The following IFT52 variants were observed in gnomAD, a reference collection of about 807,000 sequenced individuals.
IFT52 encodes the protein intraflagellar transport protein 52 homolog.
Under a neutral mutation model 54.4 loss-of-function variants are expected in IFT52, and 44 were observed. The observed-to-expected ratio is 0.81, with a 90% confidence interval of 0.63 to 1.04. The LOEUF is 1.04. Ranked by LOEUF, IFT52 falls within the 50% of genes least tolerant of loss-of-function variation. The pLI, the probability that IFT52 is intolerant of heterozygous loss-of-function variation, is 0.00. For missense variants in IFT52, 452 were observed against 523.6 expected (o/e 0.86, Z 1.33); for synonymous variants, 181 against 185.3 (o/e 0.98, Z 0.19).
intron 13 of IFT52, among the ~76,000 whole-genome samples, chr20:43,646,518 C>T (rs1385519282): frequency 6.6e-6 from 1 of 152,020 alleles, no homozygotes; most frequent in Non-Finnish European, 1.5e-5. Flanking sequence ...TGGCAGTTAC[C>T]GTGGTCTAAG....
At chr20:43,631,989 G>C (rs1260127989) in intron 10 of IFT52, among the ~76,000 whole-genome samples, 4 of 149,678 alleles carry the variant, frequency 2.7e-5, no homozygotes, top group African/African-American at 9.9e-5. Flanking sequence ...GCAACGGCAC[G>C]ATCTCCGCTC....
At chr20:43,629,312 A>G (rs1461538384) in intron 10 of IFT52, among the ~76,000 whole-genome samples, 1 of 146,942 alleles carries the variant, frequency 6.8e-6, no homozygotes, top group East Asian at 2.0e-4. Flanking sequence ...TTGCTCTGTC[A>G]CCCAGGCTGG....
intron 8 of IFT52, 56 bp downstream of exon 8, chr20:43,619,082 TA>T (rs751454324): frequency 3.2e-6 from 4 of 1,240,358 alleles, no homozygotes; most frequent in African/African-American, 3.0e-5. Context: ...TCATGTCATT[TA>T]AAAAAATACT....
intron 13 of IFT52, among the ~76,000 whole-genome samples, chr20:43,643,091 C>A (rs2145682226): frequency 6.6e-6 from 1 of 151,428 alleles, no homozygotes; most frequent in East Asian, 1.9e-4. Context: ...CACTTGAACC[C>A]AGAAGGCAGA....
At chr20:43,597,381 A>AAAAGG (rs1555800929) in intron 3 of IFT52, among the ~76,000 whole-genome samples, 1 of 146,422 alleles carries the variant, frequency 6.8e-6, no homozygotes, top group Non-Finnish European at 1.5e-5. Context: ...CAAAAAAAAA[A>AAAAGG]AAAGAAAGAA....
chr20:43,597,901 A>AC (rs1196184543), intron 3 of IFT52, among the ~76,000 whole-genome samples: 51 of 151,252 alleles, frequency 3.4e-4, no homozygotes, highest in Middle Eastern at 3.4e-3. Flanking sequence ...AAAAAAAAAA[A>AC]AAAAAAAAAA....
intron 6 of IFT52, among the ~76,000 whole-genome samples, chr20:43,608,078 G>T (rs1983111979): frequency 6.6e-6 from 1 of 152,160 alleles, no homozygotes; most frequent in African/African-American, 2.4e-5. Flanking sequence ...GGAGGTTGCA[G>T]TGAGCCGAGA....
rs148203804 is a variant in IFT52 at position 43,613,519 on chromosome 20, C to T, written c.486-331C>T. On this transcript the variant is annotated intron_variant, in intron 6 of 13. Transcript: ENST00000373030. ...TTACTCAGCTGAGCACCGTGGCACA[C>T]GCCTGTAATCCCAGCACTTTGGGAG... is the stretch of plus-strand genomic sequence containing the variant. Among the ~76,000 whole-genome samples the T allele has an allele frequency of 7.5e-3, 1,140 of 152,304 alleles. 18 individuals are homozygous for T. Among genetic ancestry groups the T allele is most frequent in the African/African-American group, 0.025 (1,056 of 41,564 alleles).
At chr20:43,626,525 C>T (rs1984734651) in intron 10 of IFT52, among the ~76,000 whole-genome samples, 5 of 152,240 alleles carry the variant, frequency 3.3e-5, no homozygotes, top group Admixed American at 2.6e-4. Context: ...GGATTAAAGG[C>T]ATGAGCCACA....
intron 6 of IFT52, 47 bp downstream of exon 6, chr20:43,605,120 A>G (rs1307192043): frequency 6.3e-7 from 1 of 1,598,534 alleles, no homozygotes; most frequent in Non-Finnish European, 8.5e-7. Flanking sequence ...ATCATTTTGG[A>G]GTCTTCTTTT....
intron 12 of IFT52, among the ~76,000 whole-genome samples, chr20:43,638,091 A>G (rs1985665498): frequency 6.6e-6 from 1 of 152,176 alleles, no homozygotes; most frequent in Non-Finnish European, 1.5e-5. Context: ...ATTGCCTCCA[A>G]CACAGCAAAT....
intron 7 of IFT52, among the ~76,000 whole-genome samples, chr20:43,614,809 C>CTTTTTT (rs1037730877): frequency 8.9e-5 from 12 of 134,964 alleles, no homozygotes; most frequent in African/African-American, 1.1e-4. Flanking sequence ...CTTTCTTTTT[C>CTTTTTT]TTTTTTTTTT....
intron 10 of IFT52, among the ~76,000 whole-genome samples, chr20:43,626,549 T>C (rs1568777556): frequency 6.6e-6 from 1 of 152,140 alleles, no homozygotes; most frequent in Non-Finnish European, 1.5e-5. Context: ...CCTGGACCTA[T>C]TTTCAAATCT....
Position 43,596,517 on chromosome 20 carries a change from G to A in IFT52, c.202G>A (p.Ala68Thr), listed in dbSNP as rs747327279. 6.3e-7 allele frequency: 1 copy of A among 1,586,440 alleles called. No homozygotes were observed. ...TAGPREKFTA[A>T]EFEILKKYLD... The stretch of plus-strand genomic sequence containing the variant: ...TGGGCCAAGGGAAAAATTTACTGCA[G>A]CTGAGGTAAGAAATATCCACTAAAG... The change falls in exon 3 of 14, where the codon GCT (alanine) becomes ACT (threonine). Residue 68 changes from alanine (A) to threonine (T), a missense_variant. Physicochemically the swap from Ala to Thr is moderately conservative, Grantham distance 58. Coordinates refer to ENST00000373030, the MANE Select transcript of IFT52 (RefSeq NM_016004.5).
At chr20:43,640,998 T>C (rs1162260318) in intron 12 of IFT52, among the ~76,000 whole-genome samples, 2 of 133,576 alleles carry the variant, frequency 1.5e-5, no homozygotes, top group Non-Finnish European at 3.1e-5. Context: ...GCCACTGCAC[T>C]CCAGCCTGGG....
intron 10 of IFT52, among the ~76,000 whole-genome samples, chr20:43,630,277 T>G (rs2145655887): frequency 6.6e-6 from 1 of 152,340 alleles, no homozygotes; most frequent in East Asian, 1.9e-4. Context: ...TTTGGCCTAA[T>G]TCTCCCCTGA....
At chr20:43,622,326 C>T (rs1318318708) in intron 9 of IFT52, among the ~76,000 whole-genome samples, 1 of 152,078 alleles carries the variant, frequency 6.6e-6, no homozygotes, top group Non-Finnish European at 1.5e-5. Context: ...CGGCCGGGCG[C>T]GGTGGCTCAC....
At chr20:43,609,245 A>T (rs1983228367) in intron 6 of IFT52, among the ~76,000 whole-genome samples, 1 of 152,202 alleles carries the variant, frequency 6.6e-6, no homozygotes, top group Non-Finnish European at 1.5e-5. Context: ...ATCTCAAAAA[A>T]ATAATAAAAT....
intron 10 of IFT52, among the ~76,000 whole-genome samples, chr20:43,633,080 C>T (rs1216797378): frequency 6.6e-6 from 1 of 152,022 alleles, no homozygotes; most frequent in Non-Finnish European, 1.5e-5. Context: ...TGGTGGCTCA[C>T]GCCTGTCAAT....
Sources: gnomAD v4.1 joint callset for allele counts (sites outside exome capture counted in the v4.1 genomes callset) on GRCh38, gnomAD v4.1.1 for gene constraint, MANE v1.5 for transcripts, NCBI Gene and HGNC (gene_info 2026-07-23, HGNC 2026-07-21) for gene names.